NPAS3: variants seen among roughly 807,000 people sequenced by gnomAD.
The protein encoded by NPAS3 is neuronal PAS domain-containing protein 3.
A neutral mutation model predicts 73.1 loss-of-function variants in NPAS3; 14 were observed. The ratio of observed to expected loss-of-function variants is 0.19; its 90% CI spans 0.13 to 0.30. NPAS3 has a LOEUF of 0.30. Among genes scored for constraint, NPAS3 ranks in the 10% least tolerant of loss-of-function variants. The pLI is 1.00. For missense variants in NPAS3, 1,096 were observed against 1,250.0 expected, an observed-to-expected ratio of 0.88 and a Z score of 1.86; for synonymous variants, 620 against 541.5, an observed-to-expected ratio of 1.14 and a Z score of -2.01.
rs149867401 is a variant in NPAS3, at chr14:33,260,168, A to G, written c.385+44742A>G. ...TCCCAGCCACTGCTTCTCCCAAAGG[A>G]GTAACGTTACTTCTTTGTTATGAGA... On this transcript the variant is annotated intron_variant, in intron 3 of 11. Transcript: ENST00000356141. Among the ~76,000 whole-genome samples, 1,116 of 152,204 alleles carry G rather than the reference A, an allele frequency of 7.3e-3. 10 individuals carry two copies. Among genetic ancestry groups the G allele is most frequent in the African/African-American group, 0.026 (1,077 of 41,518 alleles).
Position 33,365,201 on chromosome 14 carries a change from C to CAAAAAAAA in NPAS3, c.386-1971_386-1964dup, listed in dbSNP as rs371230319. On this transcript the variant is annotated intron_variant, in intron 3 of 11. Transcript: ENST00000356141. ...CAAAAGCCACCCACCCCCATAATCT[C>CAAAAAAAA]AAAAAAAAAAAAAAAAAAAAAGGCT... Among the ~76,000 whole-genome samples, 131 of 45,044 alleles carry CAAAAAAAA rather than the reference C, an allele frequency of 2.9e-3. 19 individuals carry two copies. The highest frequency in any genetic ancestry group is 8.3e-3 in the African/African-American group (77 of 9,318). 29.6% of individuals were successfully genotyped at this position (45,044 alleles called of 152,430 possible). A position where few individuals can be genotyped will look rare whatever the true frequency, so the allele number is the denominator to read the frequency against.
intron 10 of NPAS3, among the ~76,000 whole-genome samples, chr14:33,795,799 C>T (rs1158728574): frequency 1.3e-5 from 2 of 152,118 alleles, no homozygotes; most frequent in East Asian, 1.9e-4. Context: ...GCCTAGGATC[C>T]GATGGTACAA....
At chr14:33,016,275 G>A (rs80324087) in intron 1 of NPAS3, among the ~76,000 whole-genome samples, 3,526 of 152,090 alleles carry the variant, frequency 0.023, 103 homozygotes, top group African/African-American at 0.065. Flanking sequence ...TTTTTGCCCC[G>A]CTTAATACAG....
chr14:33,736,128 G>T (rs190084050), intron 7 of NPAS3, among the ~76,000 whole-genome samples: 28 of 152,336 alleles, frequency 1.8e-4, no homozygotes, highest in African/African-American at 6.7e-4. Context: ...AATGGCATGT[G>T]CCATCAATGT....
At chr14:33,374,622 G>A (rs8007246) in intron 4 of NPAS3, among the ~76,000 whole-genome samples, 8,673 of 150,816 alleles carry the variant, frequency 0.058, 339 homozygotes, top group Non-Finnish European at 0.088. Flanking sequence ...GTAGAAGACC[G>A]AGTAGAAGAT....
intron 2 of NPAS3, among the ~76,000 whole-genome samples, chr14:33,090,395 C>T (rs941281774): frequency 6.6e-6 from 1 of 152,084 alleles, no homozygotes; most frequent in Non-Finnish European, 1.5e-5. Context: ...TCAAAAGAGA[C>T]AAAGAAGGCC....
At chr14:33,604,204 C>T (rs1567046294) in intron 5 of NPAS3, among the ~76,000 whole-genome samples, 2 of 151,824 alleles carry the variant, frequency 1.3e-5, no homozygotes, top group Non-Finnish European at 2.9e-5. Flanking sequence ...AATTGAAACT[C>T]AACTTAAAAA....
chr14:33,480,713 A>G (rs1388008908), intron 4 of NPAS3, among the ~76,000 whole-genome samples: 1 of 151,822 alleles, frequency 6.6e-6, no homozygotes, highest in Non-Finnish European at 1.5e-5. Context: ...TTTGGCAGGC[A>G]TTTAAAACCC....
chr14:33,460,659 A>G (rs2050220428), intron 4 of NPAS3, among the ~76,000 whole-genome samples: 1 of 151,248 alleles, frequency 6.6e-6, no homozygotes, highest in African/African-American at 2.4e-5. Flanking sequence ...CCTACTTTCC[A>G]CCCTCTTTTG....
intron 2 of NPAS3, among the ~76,000 whole-genome samples, chr14:33,095,117 A>G (rs2042363044): frequency 6.6e-6 from 1 of 152,220 alleles, no homozygotes; most frequent in African/African-American, 2.4e-5. Context: ...AGTGACATTT[A>G]AAAATATTGC....
At chr14:33,700,553 C>G (rs550252194) in intron 6 of NPAS3, among the ~76,000 whole-genome samples, 27 of 152,228 alleles carry the variant, frequency 1.8e-4, no homozygotes, top group Admixed American at 1.5e-3. Context: ...TCTTTACCTG[C>G]CTAAATTAAA....
chr14:33,153,497 G>C (rs2044535724), intron 2 of NPAS3, among the ~76,000 whole-genome samples: 1 of 152,080 alleles, frequency 6.6e-6, no homozygotes, highest in Non-Finnish European at 1.5e-5. Context: ...GTGGGGGAAA[G>C]AGTGGGTTCT....
chr14:33,038,540 C>CATAT lies in NPAS3; in HGVS notation c.51-17355_51-17352dup, dbSNP rs10694585. 6.7e-3 allele frequency among the ~76,000 whole-genome samples: 971 copies of CATAT among 144,804 alleles called. 12 individuals are homozygous for CATAT. The highest frequency in any genetic ancestry group is 0.023 in the African/African-American group (906 of 38,758). The allele number at this position is 144,804 out of a possible 152,430, so 95.0% of individuals were successfully genotyped here. ...ATCTATATATACACACATATATACACATATATATATATAAAATGATATAAT... is the reference window on the plus strand; with the variant it reads ...ATCTATATATACACACATATATACACATATATATATATATATAAAATGATATAAT... On this transcript the variant is annotated intron_variant, in intron 1 of 11. Transcript: ENST00000356141.
chr14:33,147,730 A>AAAATATATATATATAT (rs372663411), intron 2 of NPAS3, among the ~76,000 whole-genome samples: 21 of 130,358 alleles, frequency 1.6e-4, no homozygotes, highest in African/African-American at 3.9e-4. Context: ...TAGAATAAAA[A>AAAATATATATATATAT]ATATATATAT....
At chr14:33,375,222 G>A (rs73258886) in intron 4 of NPAS3, among the ~76,000 whole-genome samples, 15 of 152,280 alleles carry the variant, frequency 9.9e-5, no homozygotes, top group African/African-American at 3.6e-4. Context: ...CTATGATCCA[G>A]AATGGTAAGA....
At chr14:33,096,247 C>A (rs956949406) in intron 2 of NPAS3, among the ~76,000 whole-genome samples, 1 of 151,958 alleles carries the variant, frequency 6.6e-6, no homozygotes, top group Non-Finnish European at 1.5e-5. Flanking sequence ...CAAAATCTGC[C>A]CCCTTTCTGC....
chr14:32,970,852 G>C (rs1464143965), intron 1 of NPAS3, among the ~76,000 whole-genome samples: 3 of 152,112 alleles, frequency 2.0e-5, no homozygotes, highest in Non-Finnish European at 4.4e-5. Context: ...TACTGGAATA[G>C]AACCCACCTT....
At position 32,974,798 on chromosome 14, in the gene NPAS3, CA is replaced by C. The variant is rs200142781; in HGVS notation, c.50+35433del. ...CCCAAGCTGACTTCTCTTTACATCT[CA>C]TTGGTCAGAACAGAGCCACATGCCT... On this transcript the variant is annotated intron_variant, in intron 1 of 11. Coordinates refer to ENST00000356141, the Ensembl canonical transcript of NPAS3. 1.6e-3 allele frequency among the ~76,000 whole-genome samples: 242 copies of C among 152,254 alleles called. 1 individual carries two copies. The highest frequency in any genetic ancestry group is 5.1e-3 in the African/African-American group (213 of 41,558).
At chr14:33,772,182 G>A (rs2062675742) in intron 7 of NPAS3, among the ~76,000 whole-genome samples, 1 of 152,156 alleles carries the variant, frequency 6.6e-6, no homozygotes, top group Non-Finnish European at 1.5e-5. Flanking sequence ...ATAATAAAAT[G>A]TGTAGAATTC....
Sources: gnomAD v4.1 joint callset for allele counts (sites outside exome capture counted in the v4.1 genomes callset) on GRCh38, gnomAD v4.1.1 for gene constraint, MANE v1.5 for transcripts, NCBI Gene and HGNC (gene_info 2026-07-23, HGNC 2026-07-21) for gene names.